Variants in PTPRO observed in about 807,000 individuals in gnomAD.
PTPRO encodes protein tyrosine phosphatase receptor type O.
Under a neutral mutation model 145.2 loss-of-function variants are expected in PTPRO, and 62 were observed. That is an observed-to-expected ratio of 0.43 (90% confidence interval 0.35 to 0.53). PTPRO has a LOEUF of 0.53. Ranked by LOEUF, PTPRO falls within the 20% of genes least tolerant of loss-of-function variation. PTPRO has a pLI of 0.01. For missense variants in PTPRO, 1,345 were observed against 1,482.7 expected, an observed-to-expected ratio of 0.91 and a Z score of 1.53; for synonymous variants, 565 against 514.7, an observed-to-expected ratio of 1.10 and a Z score of -1.32.
chr12:15,585,030 A>C (rs1187508502), intron 23 of PTPRO, among the ~76,000 whole-genome samples: 1 of 152,194 alleles, frequency 6.6e-6, no homozygotes, highest in East Asian at 1.9e-4. Flanking sequence ...GTGCCCTGCT[A>C]TTCAGCTCAC....
chr12:15,452,319 C>A (rs1941067190), intron 1 of PTPRO, among the ~76,000 whole-genome samples: 1 of 152,008 alleles, frequency 6.6e-6, no homozygotes, highest in Non-Finnish European at 1.5e-5. Context: ...CTGAACAGGC[C>A]AATAACGAGC....
chr12:15,499,836 C>T (rs2136466264), intron 4 of PTPRO, among the ~76,000 whole-genome samples: 1 of 152,092 alleles, frequency 6.6e-6, no homozygotes, highest in East Asian at 1.9e-4. Context: ...AGCTACTATA[C>T]TATTACCAAA....
intron 2 of PTPRO, among the ~76,000 whole-genome samples, chr12:15,492,709 C>T (rs1454373492): frequency 6.6e-6 from 1 of 152,038 alleles, no homozygotes; most frequent in Non-Finnish European, 1.5e-5. Context: ...TGAAAAGCTT[C>T]AGTAGATAGG....
chr12:15,580,192 A>G (rs1178989915), intron 21 of PTPRO, 77 bp downstream of exon 21: 3 of 1,138,100 alleles, frequency 2.6e-6, no homozygotes, highest in African/African-American at 3.0e-5. Context: ...TGGATGTGTC[A>G]AACAGTTCAA....
intron 18 of PTPRO, among the ~76,000 whole-genome samples, chr12:15,566,337 G>C (rs1943897103): frequency 6.6e-6 from 1 of 152,110 alleles, no homozygotes. Flanking sequence ...AGGGGGTCCA[G>C]CCAGGTCTGT....
At chr12:15,569,295 A>C in intron 18 of PTPRO, 122 bp from the exon 19 acceptor site, 1 of 907,682 alleles carries the variant, frequency 1.1e-6, no homozygotes, top group South Asian at 1.7e-5. Flanking sequence ...GTGAGTGCTA[A>C]CCTTAGAGAA....
intron 1 of PTPRO, among the ~76,000 whole-genome samples, chr12:15,374,555 C>G (rs1183211544): frequency 6.6e-6 from 1 of 152,096 alleles, no homozygotes; most frequent in African/African-American, 2.4e-5. Flanking sequence ...AATTTTGGAA[C>G]TCCTCAAATA....
chr12:15,323,716 G>C (rs1286682296), intron 1 of PTPRO, among the ~76,000 whole-genome samples: 2 of 152,068 alleles, frequency 1.3e-5, no homozygotes, highest in African/African-American at 2.4e-5. Context: ...CAAGAATGTC[G>C]ACAGGTGACT....
chr12:15,588,550 A>G (rs1231421586), intron 24 of PTPRO, among the ~76,000 whole-genome samples: 1 of 152,104 alleles, frequency 6.6e-6, no homozygotes. Flanking sequence ...CAAATTTTTC[A>G]TTTGATTTTA....
chr12:15,546,699 C>T lies in PTPRO; in HGVS notation c.2295C>T (p.Thr765=). 2 of 1,613,926 alleles carry T rather than the reference C, an allele frequency of 1.2e-6. No individual in the cohort carries two copies. The highest frequency in any genetic ancestry group is 1.7e-6 in the Non-Finnish European group (2 of 1,179,910). Reference sequence around the variant, plus strand: ...AACAAGTTGGCTCCAGTCAGAAAACCAAACTTCAGGTACTGTACCTTTTGA... The same window carrying T: ...AACAAGTTGGCTCCAGTCAGAAAACTAAACTTCAGGTACTGTACCTTTTGA... ...FCQQVGSSQK[T]KLQEPVAVSS... Residue 765 remains threonine (T), a synonymous_variant, in exon 13 of 27, where the codon ACC becomes ACT. Coordinates refer to ENST00000281171, the MANE Select transcript of PTPRO (RefSeq NM_030667.3).
At chr12:15,441,511 A>G (rs1172361229) in intron 1 of PTPRO, among the ~76,000 whole-genome samples, 3 of 152,192 alleles carry the variant, frequency 2.0e-5, no homozygotes, top group East Asian at 3.8e-4. Flanking sequence ...AAATTAGGGC[A>G]GATATTGAGA....
At chr12:15,404,262 C>G (rs980406766) in intron 1 of PTPRO, among the ~76,000 whole-genome samples, 1 of 138,486 alleles carries the variant, frequency 7.2e-6, no homozygotes, top group East Asian at 2.2e-4. Context: ...GACTAAATAA[C>G]AAAATCCATC....
chr12:15,366,652 TGAG>T (rs1338568827), intron 1 of PTPRO, among the ~76,000 whole-genome samples: 1 of 152,196 alleles, frequency 6.6e-6, no homozygotes, highest in Non-Finnish European at 1.5e-5. Flanking sequence ...TTTTTGAGTT[TGAG>T]GTGTACTTGT....
At chr12:15,429,690 A>G (rs1163924076) in intron 1 of PTPRO, among the ~76,000 whole-genome samples, 1 of 152,196 alleles carries the variant, frequency 6.6e-6, no homozygotes, top group African/African-American at 2.4e-5. Flanking sequence ...TTGTGTCATT[A>G]AAGGGTTAGA....
intron 12 of PTPRO, among the ~76,000 whole-genome samples, chr12:15,531,652 G>A (rs1189301014): frequency 6.6e-6 from 1 of 152,118 alleles, no homozygotes; most frequent in Non-Finnish European, 1.5e-5. Context: ...AATGGAGGAT[G>A]GATTGACACA....
At chr12:15,529,458 C>T (rs1942912201) in intron 12 of PTPRO, among the ~76,000 whole-genome samples, 1 of 141,684 alleles carries the variant, frequency 7.1e-6, no homozygotes, top group East Asian at 2.0e-4. Context: ...TTCAAGACCT[C>T]ATCTCTACTA....
chr12:15,329,378 A>T (rs925842694), intron 1 of PTPRO, among the ~76,000 whole-genome samples: 2 of 152,210 alleles, frequency 1.3e-5, no homozygotes, highest in African/African-American at 4.8e-5. Context: ...CTGAAGCCTG[A>T]TTCCCACCTC....
chr12:15,535,697 G>A lies in PTPRO; in HGVS notation c.2164+9435G>A, dbSNP rs11056548. Reference sequence around the variant, plus strand: ...CTGCTGCTTCTATTCCTGGACTGGGGTGTGGCCTTTTTCCTTCAAACTTCA... The same window carrying A: ...CTGCTGCTTCTATTCCTGGACTGGGATGTGGCCTTTTTCCTTCAAACTTCA... On this transcript the variant is annotated intron_variant, in intron 12 of 26. Coordinates refer to ENST00000281171, the MANE Select transcript of PTPRO (RefSeq NM_030667.3). Among the ~76,000 whole-genome samples the A allele has an allele frequency of 1.5e-3, 233 of 152,288 alleles. 12 individuals are homozygous for A. In the East Asian group the frequency reaches 0.042, roughly 28 times the overall value.
At chr12:15,381,228 ATTC>A (rs1356766761) in intron 1 of PTPRO, among the ~76,000 whole-genome samples, 1 of 152,176 alleles carries the variant, frequency 6.6e-6, no homozygotes, top group African/African-American at 2.4e-5. Flanking sequence ...CGCAAAGTTT[ATTC>A]TTCAGTTTTT....
Sources: allele counts gnomAD v4.1 joint callset (sites outside exome capture counted in the v4.1 genomes callset), GRCh38; gene constraint gnomAD v4.1.1; transcripts MANE v1.5; gene names NCBI Gene and HGNC (gene_info 2026-07-23, HGNC 2026-07-21).